PRKX: variants seen among roughly 807,000 people sequenced by gnomAD.
The protein encoded by PRKX is protein kinase cAMP-dependent X-linked catalytic subunit.
A neutral mutation model predicts 22.0 loss-of-function variants in PRKX; 12 were observed. The observed-to-expected ratio is 0.54, with a 90% CI of 0.35 to 0.88. PRKX has a LOEUF of 0.88. PRKX is among the 40% of genes least tolerant of loss of function. The pLI is 0.01. For synonymous variants in PRKX, 134 were observed against 137.7 expected, an observed-to-expected ratio of 0.97 and a Z score of 0.19; for missense variants, 217 against 308.0, an observed-to-expected ratio of 0.70 and a Z score of 2.21.
intron 4 of PRKX, among the ~76,000 whole-genome samples, chrX:3,630,630 A>C (rs1172016513): frequency 2.7e-5 from 3 of 112,070 alleles, no homozygotes; most frequent in African/African-American, 9.7e-5. Context: ...GGCCTCAGGA[A>C]ACTTACAATC....
At chrX:3,656,632 T>C (rs1018473510) in intron 2 of PRKX, among the ~76,000 whole-genome samples, 1 of 111,353 alleles carries the variant, frequency 9.0e-6, no homozygotes, top group Non-Finnish European at 1.9e-5. Flanking sequence ...TGCTGAGGTC[T>C]GCATATAGAA....
chrX:3,621,401 G>A (rs1470907669), intron 5 of PRKX, 85 bp from the exon 6 acceptor site: 1 of 848,190 alleles, frequency 1.2e-6, no homozygotes, highest in African/African-American at 2.0e-5. Flanking sequence ...ACAGAGATAA[G>A]ATCTATCTGA....
chrX:3,697,179 C>A (rs1928459915), intron 1 of PRKX, among the ~76,000 whole-genome samples: 1 of 111,502 alleles, frequency 9.0e-6, no homozygotes, highest in Non-Finnish European at 1.9e-5. Context: ...TACGGCAAAC[C>A]ATCCCCACAC....
chrX:3,681,952 C>T (rs552429343), intron 1 of PRKX, among the ~76,000 whole-genome samples: 8 of 110,762 alleles, frequency 7.2e-5, no homozygotes, highest in African/African-American at 2.3e-4. Context: ...AGGAGAAACA[C>T]GGATTTAAGT....
chrX:3,679,571 G>A (rs1472837266), intron 1 of PRKX, among the ~76,000 whole-genome samples: 1 of 112,214 alleles, frequency 8.9e-6, no homozygotes, highest in Non-Finnish European at 1.9e-5. Flanking sequence ...ACGTGAGACT[G>A]TTCAGGCTTG....
At chrX:3,642,136 G>A (rs140441422) in intron 3 of PRKX, among the ~76,000 whole-genome samples, 165 bp from the exon 4 acceptor site, 120 of 110,754 alleles carry the variant, frequency 1.1e-3, no homozygotes, top group African/African-American at 3.7e-3. Flanking sequence ...CATTGTTTTC[G>A]CTGATTCCTT....
chrX:3,613,189 G>GAAAAAAAAAAAAAAAAAAAAAAA (rs1926342353), intron 7 of PRKX, among the ~76,000 whole-genome samples: 1 of 65,287 alleles, frequency 1.5e-5, no homozygotes. Flanking sequence ...AAAAAAAAAT[G>GAAAAAAAAAAAAAAAAAAAAAAA]AGGAAGCTAG....
chrX:3,611,499 G>A (rs1194129509), intron 8 of PRKX, among the ~76,000 whole-genome samples: 1 of 112,126 alleles, frequency 8.9e-6, no homozygotes, highest in Non-Finnish European at 1.9e-5. Context: ...TTAGAATTGA[G>A]GAGTAACTGA....
chrX:3,694,302 C>A (rs1399594743), intron 1 of PRKX, among the ~76,000 whole-genome samples: 2 of 109,427 alleles, frequency 1.8e-5, no homozygotes, highest in Admixed American at 9.8e-5. Context: ...GCAGGAGAAT[C>A]ATTTGAACCC....
At chrX:3,623,452 A>T (rs1441575544) in intron 5 of PRKX, among the ~76,000 whole-genome samples, 1 of 110,574 alleles carries the variant, frequency 9.0e-6, no homozygotes, top group Non-Finnish European at 1.9e-5. Flanking sequence ...GTTACTCGGG[A>T]GGCTGAGGTG....
At chrX:3,669,470 G>A (rs1284685379) in intron 2 of PRKX, among the ~76,000 whole-genome samples, 1 of 111,620 alleles carries the variant, frequency 9.0e-6, no homozygotes, top group African/African-American at 3.3e-5. Flanking sequence ...TCATAGATGG[G>A]ATGGGTGCTC....
intron 6 of PRKX, among the ~76,000 whole-genome samples, chrX:3,619,362 AATTATCACAC>A (rs765054931): frequency 9.3e-6 from 1 of 107,232 alleles, no homozygotes; most frequent in African/African-American, 3.4e-5. Context: ...AAGCAGACAC[AATTATCACAC>A]ATTGGGCAGT....
intron 2 of PRKX, 34 bp from the exon 3 acceptor site, chrX:3,655,446 G>A (rs1025841063): frequency 5.0e-6 from 6 of 1,207,318 alleles, no homozygotes; most frequent in Middle Eastern, 2.3e-4. Context: ...TCAGGGCCCC[G>A]CCAAGGCAGG....
chrX:3,639,615 TAGAC>T (rs1300540350), intron 4 of PRKX, among the ~76,000 whole-genome samples: 2 of 106,480 alleles, frequency 1.9e-5, no homozygotes, highest in East Asian at 6.1e-4. Context: ...CATAGATAAA[TAGAC>T]AGGTGGGTAG....
chrX:3,647,922 T>C (rs1927224364), intron 3 of PRKX, among the ~76,000 whole-genome samples: 1 of 110,867 alleles, frequency 9.0e-6, no homozygotes, highest in Admixed American at 9.8e-5. Context: ...TTCTACTTTC[T>C]GTCCTTATGA....
At chrX:3,702,205 C>T (rs1438305806) in intron 1 of PRKX, among the ~76,000 whole-genome samples, 1 of 112,367 alleles carries the variant, frequency 8.9e-6, no homozygotes, top group Non-Finnish European at 1.9e-5. Flanking sequence ...TAAACGCAGG[C>T]AGGCTTCACA....
intron 6 of PRKX, among the ~76,000 whole-genome samples, chrX:3,620,804 A>G (rs1603473155): frequency 1.8e-5 from 2 of 111,565 alleles, no homozygotes; most frequent in Non-Finnish European, 3.8e-5. Flanking sequence ...CTTTTTTTGA[A>G]CTGATGAAGA....
Position 3,674,680 on chromosome X carries a change from C to G in PRKX, c.253G>C (p.Val85Leu). 1.7e-6 allele frequency: 2 copies of G among 1,211,127 alleles called. No individual in the cohort carries two copies. The highest frequency in any genetic ancestry group is 2.2e-6 in the Non-Finnish European group (2 of 895,118). ...TGTTGCTCCTGCTTTAGGCGGATGA[C>G]GTCGGGAATGCTCATCACCTTGAGG... ...FALKVMSIPD[V>L]IRLKQEQHVH... The change falls in exon 2 of 9, where the codon GTC becomes CTC. Residue 85 changes from valine (V) to leucine (L), a missense_variant. Transcript: ENST00000262848.
chrX:3,710,819 A>T (rs1928774255), intron 1 of PRKX, among the ~76,000 whole-genome samples: 1 of 111,644 alleles, frequency 9.0e-6, no homozygotes, highest in Non-Finnish European at 1.9e-5. Context: ...GCGAAAGAGC[A>T]CTTAAAAGCA....
Sources: allele counts gnomAD v4.1 joint callset (sites outside exome capture counted in the v4.1 genomes callset), GRCh38; gene constraint gnomAD v4.1.1; transcripts MANE v1.5; gene names NCBI Gene and HGNC (gene_info 2026-07-23, HGNC 2026-07-21).